NPHS1: variants seen among roughly 807,000 people sequenced by gnomAD.
NPHS1 encodes the protein nephrin.
Under a neutral mutation model 139.7 loss-of-function variants are expected in NPHS1, and 107 were observed. The ratio of observed to expected loss-of-function variants is 0.77; its 90% CI spans 0.66 to 0.90. The LOEUF (loss-of-function observed/expected upper bound fraction) is 0.90, where lower values mean the gene tolerates loss of function less well. NPHS1 is among the 40% of genes least tolerant of loss of function. The probability of loss-of-function intolerance (pLI) is 0.00; values close to 1 mark genes in which losing one functional copy is unlikely to be tolerated. For missense variants in NPHS1, 1,580 were observed against 1,654.2 expected, an observed-to-expected ratio of 0.96 and a Z score of 0.78; for synonymous variants, 707 against 706.6, an observed-to-expected ratio of 1.00 and a Z score of -0.01.
intron 25 of NPHS1, 50 bp downstream of exon 25, chr19:35,831,426 C>T (rs1393638607): frequency 4.3e-6 from 7 of 1,612,772 alleles, no homozygotes; most frequent in Non-Finnish European, 1.7e-6. Flanking sequence ...CCACCAGTCT[C>T]CCCCAAACCT....
At chr19:35,833,341 C>T (rs1568449811) in intron 23 of NPHS1, among the ~76,000 whole-genome samples, 4 of 152,086 alleles carry the variant, frequency 2.6e-5, no homozygotes, top group African/African-American at 4.8e-5. Context: ...CACTTTTTTC[C>T]CCTGGGGAGA....
rs1973096844 is a variant in NPHS1 at position 35,843,969 on chromosome 19, G to A, written c.2212+134C>T. 6.2e-6 allele frequency: 8 copies of A among 1,284,426 alleles called. No individual in the cohort carries two copies. The South Asian group carries it at 1.1e-4, about 18-fold the overall frequency. The allele number at this position is 1,284,426 out of a possible 1,614,324, so 79.6% of individuals were successfully genotyped here. ...CCGCAGTGGGCGTGGTTACACCGCG[G>A]CTGGGACTTCCAGAACGGGAGGGTT... On this transcript the variant is annotated intron_variant, in intron 16 of 28. Coordinates refer to ENST00000378910, the MANE Select transcript of NPHS1 (RefSeq NM_004646.4).
At chr19:35,850,860 TC>T in intron 4 of NPHS1, 100 bp downstream of exon 4, 1 of 1,462,672 alleles carries the variant, frequency 6.8e-7, no homozygotes, top group Non-Finnish European at 9.4e-7. Context: ...AGGGATGACA[TC>T]TTTTCTGGGG....
intron 26 of NPHS1, 29 bp downstream of exon 26, chr19:35,831,267 G>T (rs368828209): frequency 1.9e-5 from 31 of 1,610,712 alleles, no homozygotes; most frequent in African/African-American, 2.7e-5. Context: ...TGCCCTGATT[G>T]TGGGGTCACC....
chr19:35,840,596 A>G (rs1156621690), intron 20 of NPHS1, among the ~76,000 whole-genome samples: 1 of 151,886 alleles, frequency 6.6e-6, no homozygotes, highest in Non-Finnish European at 1.5e-5. Context: ...GGCCTCCCAA[A>G]GTGCTGGGAT....
chr19:35,851,388 C>T lies in NPHS1; in HGVS notation c.275-4G>A. On this transcript the variant is annotated splice_polypyrimidine_tract_variant and splice_region_variant and intron_variant, in intron 2 of 28. Coordinates refer to ENST00000378910, the MANE Select transcript of NPHS1 (RefSeq NM_004646.4). Reference sequence around the variant, plus strand: ...TCGATGTGCAGGTGGAATTCACCTGCAGGGGGAGCCGGAAGTCAGGGCCGC... The same window carrying T: ...TCGATGTGCAGGTGGAATTCACCTGTAGGGGGAGCCGGAAGTCAGGGCCGC... 6.2e-7 allele frequency: 1 copy of T among 1,612,816 alleles called. No individual in the cohort carries two copies. Among genetic ancestry groups the T allele is most frequent in the Non-Finnish European group, 8.5e-7 (1 of 1,179,608 alleles).
Position 35,849,346 on chromosome 19 carries a change from CAG to C in NPHS1, c.728_729del (p.Pro243ArgfsTer9), listed in dbSNP as rs1599845714. The C allele has an allele frequency of 2.5e-6, 4 of 1,612,348 alleles. No individual in the cohort carries two copies. In the Admixed American group the frequency reaches 6.7e-5, roughly 27 times the overall value. On this transcript the variant is annotated frameshift_variant, in exon 7 of 29. Transcript: ENST00000378910. LOFTEE classifies it high-confidence loss of function. ...TCATCCAGGCCTGGCCACTCGATGA[CAG>C]GGGGTCCTGGAGGGACTGGGGGATA... Reference protein sequence around the residue: ...TVNVLFPPGPPVIEWPGLDEG... With the variant: ...TVNVLFPPGPXVIEWPGLDEG...
intron 23 of NPHS1, 62 bp from the exon 24 acceptor site, chr19:35,831,824 C>A (rs922562125): frequency 2.0e-5 from 31 of 1,530,646 alleles, no homozygotes; most frequent in African/African-American, 2.8e-5. Context: ...AGGGGTGGGT[C>A]TCCCCGAGAA....
chr19:35,829,004 G>A (rs1218647880), intron 28 of NPHS1, among the ~76,000 whole-genome samples: 2 of 152,238 alleles, frequency 1.3e-5, no homozygotes, highest in Non-Finnish European at 2.9e-5. Flanking sequence ...GGAAATCAGG[G>A]GTTCTGTCCC....
Position 35,845,440 on chromosome 19 carries a change from G to C in NPHS1, c.1858C>G (p.Arg620Gly). Residue 620 changes from arginine (R) to glycine (G), a missense_variant, in exon 14 of 29, where the codon CGC becomes GGC. Coordinates refer to ENST00000378910, the MANE Select transcript of NPHS1 (RefSeq NM_004646.4). This position sits in a 1 kb window ranked among gnomAD's most constrained non-coding sequence, Gnocchi z 5.5. ...GCGCTGTGGGCGCGGCAGGTCACGC[G>C]CTGGCCATGATCGCGGGATGACACT... The part of the protein sequence containing the change: ...LQVSSRDHGQ[R>G]VTCRAHSAEL... 1.2e-6 allele frequency: 2 copies of C among 1,614,170 alleles called. No individual in the cohort carries two copies. The highest frequency in any genetic ancestry group is 1.7e-6 in the Non-Finnish European group (2 of 1,180,036).
In NPHS1 at chr19:35,851,583, C is replaced by T. The variant is rs765675306; in HGVS notation, c.148G>A (p.Glu50Lys). ...NLTVVEGASV[E>K]LRCGVSTPGS... Reference sequence around the variant, plus strand: ...GGGGTGCTGACCCCACAACGCAGCTCCACTGAGGCCCCCTCCACCACCGTC... The same window carrying T: ...GGGGTGCTGACCCCACAACGCAGCTTCACTGAGGCCCCCTCCACCACCGTC... The change falls in exon 2 of 29, where the codon GAG (glutamate) becomes AAG (lysine). Residue 50 changes from glutamate (E) to lysine (K), a missense_variant. By Grantham distance (56) the Glu-to-Lys change is moderately conservative. Coordinates refer to ENST00000378910, the MANE Select transcript of NPHS1 (RefSeq NM_004646.4). 6.2e-7 allele frequency: 1 copy of T among 1,613,986 alleles called. No individual in the cohort carries two copies. The highest frequency in any genetic ancestry group is 1.1e-5 in the South Asian group (1 of 91,058).
At chr19:35,833,459 T>C (rs964430980) in intron 23 of NPHS1, among the ~76,000 whole-genome samples, 3 of 152,210 alleles carry the variant, frequency 2.0e-5, no homozygotes, top group African/African-American at 7.2e-5. Flanking sequence ...AGTGATTGTT[T>C]AGACACAGGC....
rs539854874 is a variant in NPHS1 at position 35,828,513 on chromosome 19, C to T, written c.3595-1868G>A. 2.0e-5 allele frequency among the ~76,000 whole-genome samples: 3 copies of T among 152,306 alleles called. No homozygotes were observed. The East Asian group carries it at 5.8e-4, about 29-fold the overall frequency. On this transcript the variant is annotated intron_variant, in intron 28 of 28. Transcript: ENST00000378910. ...ACTTCTGACCTTGTGATCCGCCCGCCTTGGCCTCCCAAAATGCTGGGATTA... is the reference window on the plus strand; with the variant it reads ...ACTTCTGACCTTGTGATCCGCCCGCTTTGGCCTCCCAAAATGCTGGGATTA...
rs901207967 is a variant in NPHS1 at position 35,825,962 on chromosome 19, T to C, written c.*552A>G. On this transcript the variant is annotated 3_prime_UTR_variant, in exon 29 of 29. Transcript: ENST00000378910. ...TTTATTTTTATTTTATTTTTATTTT[T>C]TGAGACAGAATCTCGCTCTGTCGCC... 4 of 152,592 alleles carry C rather than the reference T, an allele frequency of 2.6e-5. No homozygotes were observed. The highest frequency in any genetic ancestry group is 1.3e-4 in the Admixed American group (2 of 15,328). The allele number at this position is 152,592 out of a possible 1,614,324, so 9.5% of individuals were successfully genotyped here. A position where few individuals can be genotyped will look rare whatever the true frequency, so the allele number is the denominator to read the frequency against.
At chr19:35,833,378 G>A (rs1204570589) in intron 23 of NPHS1, among the ~76,000 whole-genome samples, 1 of 152,138 alleles carries the variant, frequency 6.6e-6, no homozygotes, top group East Asian at 1.9e-4. Context: ...CTCAGTCTTG[G>A]GTTCAGGCAG....
chr19:35,832,070 C>T (rs1345795783), intron 23 of NPHS1, among the ~76,000 whole-genome samples: 1 of 152,202 alleles, frequency 6.6e-6, no homozygotes, highest in African/African-American at 2.4e-5. Context: ...AGCCTCTTCC[C>T]ACGCCTCCAG....
At chr19:35,844,663 C>T (rs972373621) in intron 14 of NPHS1, among the ~76,000 whole-genome samples, 1 of 152,092 alleles carries the variant, frequency 6.6e-6, no homozygotes, top group Admixed American at 6.5e-5. Flanking sequence ...GAGCAGAAGC[C>T]AGGGTCAGTT....
chr19:35,849,581 G>A lies in NPHS1; in HGVS notation c.681C>T (p.Pro227=), dbSNP rs1424557371. 1.9e-6 allele frequency: 3 copies of A among 1,613,650 alleles called. No homozygotes were observed. The Admixed American group carries it at 5.0e-5, about 27-fold the overall frequency. ...CATTCACGGTGAATGAGGCCTTGAT[G>A]GGGGCCTCCAGTGCTGGGCTAGACG... is the stretch of plus-strand genomic sequence containing the variant. The part of the protein sequence containing the change: ...CEASSPALEA[P]IKASFTVNVL... The change falls in exon 6 of 29, where the codon CCC becomes CCT. Residue 227 remains proline, a synonymous_variant. Transcript: ENST00000378910.
At chr19:35,843,807 G>T in intron 16 of NPHS1, 1 of 665,374 alleles carries the variant, frequency 1.5e-6, no homozygotes, top group Non-Finnish European at 2.5e-6. Flanking sequence ...AGAGTGAGTT[G>T]AGTGGGCTTC....
Sources: gnomAD v4.1 joint callset for allele counts (sites outside exome capture counted in the v4.1 genomes callset) on GRCh38, gnomAD v4.1.1 for gene constraint, Gnocchi (gnomAD v3.1) non-coding constraint, MANE v1.5 for transcripts, NCBI Gene and HGNC (gene_info 2026-07-23, HGNC 2026-07-21) for gene names.